PIGK: variants seen among roughly 807,000 people sequenced by gnomAD.
PIGK encodes GPI-anchor transamidase.
A neutral mutation model predicts 50.6 loss-of-function variants in PIGK; 42 were observed. The observed-to-expected ratio is 0.83, with a 90% CI of 0.65 to 1.07. The LOEUF (loss-of-function observed/expected upper bound fraction) is 1.07. Among genes scored for constraint, PIGK ranks in the 50% least tolerant of loss-of-function variants. The pLI, the probability that PIGK is intolerant of heterozygous loss-of-function variation, is 0.00. For missense variants in PIGK, 448 were observed against 488.7 expected, an observed-to-expected ratio of 0.92 and a Z score of 0.78; for synonymous variants, 151 against 156.0, an observed-to-expected ratio of 0.97 and a Z score of 0.24.
chr1:77,194,677 C>T (rs76699977), intron 3 of PIGK: 5,842 of 262,520 alleles, frequency 0.022, 89 homozygotes, highest in Non-Finnish European at 0.032. Flanking sequence ...AAATAACTAC[C>T]TATTAGGTAC....
chr1:77,147,387 A>T (rs893265853), intron 9 of PIGK, among the ~76,000 whole-genome samples: 3 of 152,152 alleles, frequency 2.0e-5, no homozygotes, highest in Non-Finnish European at 4.4e-5. Flanking sequence ...AGGGGAGGTG[A>T]GGGCAGGGGA....
chr1:77,191,694 T>C (rs1655908059), intron 3 of PIGK, among the ~76,000 whole-genome samples: 2 of 152,356 alleles, frequency 1.3e-5, no homozygotes, highest in South Asian at 4.1e-4. Flanking sequence ...GATGTCTATT[T>C]TTCTTCTGAG....
At chr1:77,195,052 C>A in intron 3 of PIGK, 1 of 884,860 alleles carries the variant, frequency 1.1e-6, no homozygotes, top group Non-Finnish European at 1.8e-6. Context: ...GCTCAGAGAC[C>A]TGGCTGTGCA....
At chr1:77,106,749 A>G (rs1653691080) in intron 10 of PIGK, among the ~76,000 whole-genome samples, 1 of 152,082 alleles carries the variant, frequency 6.6e-6, no homozygotes, top group South Asian at 2.1e-4. Flanking sequence ...TATACTAGAT[A>G]CAGCTATTTA....
intron 9 of PIGK, among the ~76,000 whole-genome samples, chr1:77,124,607 A>G (rs1654183546): frequency 6.7e-6 from 1 of 149,790 alleles, no homozygotes; most frequent in South Asian, 2.1e-4. Flanking sequence ...AGAGTCTCAA[A>G]ACAAACAAAC....
intron 10 of PIGK, among the ~76,000 whole-genome samples, chr1:77,092,862 C>T (rs1570173913): frequency 6.6e-6 from 1 of 152,110 alleles, no homozygotes; most frequent in African/African-American, 2.4e-5. Context: ...ACTGTAGTTT[C>T]ATGACGGTCA....
At chr1:77,109,307 A>G (rs1417170618) in intron 10 of PIGK, among the ~76,000 whole-genome samples, 1 of 152,220 alleles carries the variant, frequency 6.6e-6, no homozygotes, top group Admixed American at 6.5e-5. Flanking sequence ...ACACAACAAC[A>G]AAAGAGAATT....
chr1:77,123,550 T>C (rs1246822661), intron 9 of PIGK, among the ~76,000 whole-genome samples: 1 of 151,908 alleles, frequency 6.6e-6, no homozygotes, highest in Non-Finnish European at 1.5e-5. Flanking sequence ...CTGAAGATTC[T>C]CACTAATGAT....
Position 77,122,368 on chromosome 1 carries a change from G to A in PIGK, c.987-9C>T. The A allele has an allele frequency of 1.3e-6, 2 of 1,534,332 alleles. No homozygotes were observed. Among genetic ancestry groups the A allele is most frequent in the Non-Finnish European group, 1.8e-6 (2 of 1,109,814 alleles). ...TCTGGTCTTCCTTATAGCTGGAAAA[G>A]ATAATTTAAAAACACAGAGCTAAGG... On this transcript the variant is annotated splice_polypyrimidine_tract_variant and intron_variant, in intron 9 of 10. Transcript: ENST00000370812.
intron 3 of PIGK, among the ~76,000 whole-genome samples, chr1:77,204,003 C>T (rs1656228492): frequency 6.6e-6 from 1 of 152,066 alleles, no homozygotes; most frequent in Non-Finnish European, 1.5e-5. Flanking sequence ...TCTGGGCATC[C>T]AAAAGGAATA....
intron 10 of PIGK, among the ~76,000 whole-genome samples, chr1:77,103,275 C>A (rs1009322834): frequency 6.6e-6 from 1 of 152,040 alleles, no homozygotes; most frequent in African/African-American, 2.4e-5. Flanking sequence ...TAACGATTCT[C>A]TTTTCTACTC....
intron 9 of PIGK, among the ~76,000 whole-genome samples, chr1:77,151,767 T>C (rs766015611): frequency 3.3e-5 from 5 of 151,856 alleles, no homozygotes; most frequent in Admixed American, 6.6e-5. Context: ...GAAAAAATAA[T>C]CTAGGAATAA....
intron 9 of PIGK, among the ~76,000 whole-genome samples, chr1:77,122,562 T>C (rs575125089): frequency 4.6e-5 from 7 of 152,322 alleles, no homozygotes; most frequent in African/African-American, 1.4e-4. Flanking sequence ...TAAGTAACTA[T>C]GCAATAAAAT....
chr1:77,206,133 G>C (rs1030262954), intron 3 of PIGK, among the ~76,000 whole-genome samples: 13 of 152,160 alleles, frequency 8.5e-5, no homozygotes, highest in Non-Finnish European at 1.6e-4. Context: ...TAGCAGCTAT[G>C]CAGTAGCTGA....
chr1:77,185,477 G>T lies in PIGK; in HGVS notation c.240-16082C>A, dbSNP rs527737468. 2.1e-4 allele frequency among the ~76,000 whole-genome samples: 32 copies of T among 152,292 alleles called. No individual in the cohort carries two copies. In the South Asian group the frequency reaches 6.2e-3, roughly 30 times the overall value. ...GTAAAATTTCTAGGGATCCAGTGGT[G>T]TGGGGCCTGTCAAAATATTTCGTCT... On this transcript the variant is annotated intron_variant, in intron 3 of 10. Transcript: ENST00000370812.
intron 10 of PIGK, among the ~76,000 whole-genome samples, chr1:77,118,130 T>C (rs1654020050): frequency 6.6e-6 from 1 of 152,250 alleles, no homozygotes; most frequent in African/African-American, 2.4e-5. Context: ...TGAGTCTATG[T>C]AAGTTCATTA....
intron 9 of PIGK, among the ~76,000 whole-genome samples, chr1:77,125,222 G>A (rs1381682377): frequency 6.6e-6 from 1 of 152,058 alleles, no homozygotes; most frequent in Non-Finnish European, 1.5e-5. Context: ...ATGCCATGTA[G>A]CTGTTATGAA....
chr1:77,116,269 C>T (rs982393333), intron 10 of PIGK, among the ~76,000 whole-genome samples: 1 of 151,964 alleles, frequency 6.6e-6, no homozygotes, highest in African/African-American at 2.4e-5. Flanking sequence ...CTGAAAGCTC[C>T]ACCTCCCGGG....
At chr1:77,118,675 A>G (rs1654030991) in intron 10 of PIGK, among the ~76,000 whole-genome samples, 1 of 152,246 alleles carries the variant, frequency 6.6e-6, no homozygotes. Flanking sequence ...GCAAGAACAT[A>G]GTATCCCCCT....
Sources: allele counts gnomAD v4.1 joint callset (sites outside exome capture counted in the v4.1 genomes callset), GRCh38; gene constraint gnomAD v4.1.1; transcripts MANE v1.5; gene names NCBI Gene and HGNC (gene_info 2026-07-23, HGNC 2026-07-21).